The following OXR1 variants were observed in gnomAD, a reference collection of about 807,000 sequenced individuals.
OXR1 encodes the protein oxidation resistance 1.
OXR1 carries 41 observed loss-of-function variants against 104.6 expected under a neutral mutation model. The observed-to-expected ratio is 0.39, with a 90% confidence interval of 0.31 to 0.51. The LOEUF (loss-of-function observed/expected upper bound fraction) is 0.51. Ranked by LOEUF, OXR1 falls within the 20% of genes least tolerant of loss-of-function variation. The pLI is 0.77. For missense variants in OXR1, 955 were observed against 1,031.9 expected (o/e 0.93, Z 1.02); for synonymous variants, 348 against 348.4 (o/e 1.00, Z 0.01).
In OXR1 at chr8:106,561,190, A is replaced by T. The variant is rs537914106; in HGVS notation, c.220+42051A>T. ...CAAGTGGTCTTGCTCAGCGGATCCC[A>T]CCCCCGCCAGAGCCCAGAAAGCTAA... On this transcript the variant is annotated intron_variant, in intron 3 of 16. Transcript: ENST00000517566. 2.0e-5 allele frequency among the ~76,000 whole-genome samples: 3 copies of T among 151,910 alleles called. No individual in the cohort carries two copies. In the East Asian group the frequency reaches 5.8e-4, roughly 30 times the overall value.
intron 3 of OXR1, among the ~76,000 whole-genome samples, chr8:106,536,473 C>T (rs1430193533): frequency 6.6e-6 from 1 of 151,618 alleles, no homozygotes; most frequent in African/African-American, 2.4e-5. Flanking sequence ...AAGACTAATA[C>T]CCAAGCAATT....
chr8:106,565,474 G>T (rs1816996280), intron 3 of OXR1, among the ~76,000 whole-genome samples: 1 of 151,992 alleles, frequency 6.6e-6, no homozygotes, highest in South Asian at 2.1e-4. Context: ...AAGGAAATAA[G>T]AGAGGACAAA....
chr8:106,405,624 A>T (rs1205348982), intron 2 of OXR1, among the ~76,000 whole-genome samples: 1 of 152,150 alleles, frequency 6.6e-6, no homozygotes, highest in East Asian at 1.9e-4. Flanking sequence ...CCATGTGAAC[A>T]ATCATAGGCT....
intron 11 of OXR1, among the ~76,000 whole-genome samples, chr8:106,732,518 A>G (rs1361535118): frequency 6.6e-6 from 1 of 151,996 alleles, no homozygotes; most frequent in Non-Finnish European, 1.5e-5. Context: ...TATTAACTGA[A>G]TTTTTTTAAT....
At chr8:106,415,035 T>C (rs1818612948) in intron 2 of OXR1, among the ~76,000 whole-genome samples, 1 of 152,156 alleles carries the variant, frequency 6.6e-6, no homozygotes, top group Non-Finnish European at 1.5e-5. Flanking sequence ...GAATTTAATC[T>C]GAGTCATCCT....
At chr8:106,693,424 CT>C (rs11384137) in intron 7 of OXR1, among the ~76,000 whole-genome samples, 286 of 97,536 alleles carry the variant, frequency 2.9e-3, no homozygotes, top group East Asian at 0.011. Flanking sequence ...TAGTCAGAAT[CT>C]TTTTTTTTTT....
intron 3 of OXR1, among the ~76,000 whole-genome samples, chr8:106,598,002 A>G (rs1819658691): frequency 6.6e-6 from 1 of 152,140 alleles, no homozygotes; most frequent in African/African-American, 2.4e-5. Context: ...CCACTTGGGC[A>G]TCATTTATTT....
intron 1 of OXR1, among the ~76,000 whole-genome samples, chr8:106,345,414 C>A (rs905766612): frequency 6.6e-6 from 1 of 152,234 alleles, no homozygotes; most frequent in Non-Finnish European, 1.5e-5. Context: ...ATAGCCTTTG[C>A]TATCCAAATA....
chr8:106,475,285 T>TA (rs1821739258), intron 2 of OXR1, among the ~76,000 whole-genome samples: 1 of 151,922 alleles, frequency 6.6e-6, no homozygotes, highest in Non-Finnish European at 1.5e-5. Context: ...ATTCTTACAA[T>TA]AAAGTAAGCT....
chr8:106,444,367 C>A (rs1051371560), intron 2 of OXR1, among the ~76,000 whole-genome samples: 8 of 152,154 alleles, frequency 5.3e-5, no homozygotes, highest in Non-Finnish European at 1.2e-4. Context: ...ATAAATCATT[C>A]TTCTATAAAG....
At chr8:106,616,818 T>C (rs934040670) in intron 3 of OXR1, among the ~76,000 whole-genome samples, 1 of 152,202 alleles carries the variant, frequency 6.6e-6, no homozygotes, top group Admixed American at 6.5e-5. Flanking sequence ...ATCTTTTAAA[T>C]TTACCCCTGA....
intron 3 of OXR1, among the ~76,000 whole-genome samples, chr8:106,582,177 C>CACAT (rs1554598107): frequency 8.4e-6 from 1 of 119,348 alleles, no homozygotes; most frequent in Non-Finnish European, 1.6e-5. Context: ...TTTCTATTGA[C>CACAT]ATATATATAT....
chr8:106,313,289 A>G (rs867343470), intron 1 of OXR1, among the ~76,000 whole-genome samples: 2 of 152,108 alleles, frequency 1.3e-5, no homozygotes, highest in Non-Finnish European at 2.9e-5. Flanking sequence ...CAACTTTGGG[A>G]TTTTAAAAAT....
intron 3 of OXR1, among the ~76,000 whole-genome samples, chr8:106,531,610 G>T (rs1201833373): frequency 6.6e-6 from 1 of 152,036 alleles, no homozygotes; most frequent in African/African-American, 2.4e-5. Context: ...TTGTGACTCT[G>T]ATTTATTGAG....
intron 3 of OXR1, among the ~76,000 whole-genome samples, chr8:106,545,042 G>A (rs564245829): frequency 3.9e-5 from 6 of 152,142 alleles, no homozygotes; most frequent in East Asian, 1.9e-4. Context: ...CTGTGAAAGC[G>A]GTCCCGTGCA....
At chr8:106,403,182 G>C (rs1025366817) in intron 2 of OXR1, among the ~76,000 whole-genome samples, 8 of 152,206 alleles carry the variant, frequency 5.3e-5, no homozygotes, top group African/African-American at 1.4e-4. Context: ...ACTTGACCAA[G>C]ACTTTTCTGC....
At chr8:106,411,062 A>G (rs1245204843) in intron 2 of OXR1, among the ~76,000 whole-genome samples, 5 of 148,696 alleles carry the variant, frequency 3.4e-5, no homozygotes, top group Non-Finnish European at 7.4e-5. Context: ...TTAATTACAT[A>G]AACAAGTGTC....
chr8:106,573,639 T>C (rs1404346627), intron 3 of OXR1, among the ~76,000 whole-genome samples: 1 of 152,200 alleles, frequency 6.6e-6, no homozygotes, highest in Non-Finnish European at 1.5e-5. Context: ...AGCAGTATTA[T>C]ATTGCTGTGA....
intron 1 of OXR1, among the ~76,000 whole-genome samples, chr8:106,291,158 G>A (rs1812735097): frequency 6.6e-6 from 1 of 152,180 alleles, no homozygotes; most frequent in Admixed American, 6.5e-5. Flanking sequence ...GGATGGAGAT[G>A]GAGGCCATAA....
Sources: gnomAD v4.1 joint callset for allele counts (sites outside exome capture counted in the v4.1 genomes callset) on GRCh38, gnomAD v4.1.1 for gene constraint, MANE v1.5 for transcripts, NCBI Gene and HGNC (gene_info 2026-07-23, HGNC 2026-07-21) for gene names.